The following GPC6 variants were observed in gnomAD, a reference collection of about 807,000 sequenced individuals.
GPC6 encodes the protein glypican-6.
A neutral mutation model predicts 55.2 loss-of-function variants in GPC6; 14 were observed. The ratio of observed to expected loss-of-function variants is 0.25; its 90% CI spans 0.17 to 0.40. GPC6 has a LOEUF of 0.40. Among genes scored for constraint, GPC6 ranks in the 10% least tolerant of loss-of-function variants. The pLI is 1.00. For synonymous variants in GPC6, 278 were observed against 259.6 expected, an observed-to-expected ratio of 1.07 and a Z score of -0.68; for missense variants, 641 against 708.5, an observed-to-expected ratio of 0.90 and a Z score of 1.08.
At chr13:93,699,084 A>G (rs995351617) in intron 2 of GPC6, among the ~76,000 whole-genome samples, 4 of 152,090 alleles carry the variant, frequency 2.6e-5, no homozygotes, top group African/African-American at 7.2e-5. Flanking sequence ...AGGAGCTTGA[A>G]AAAGTAAAGA....
chr13:93,790,191 AG>A (rs1227486252), intron 2 of GPC6, among the ~76,000 whole-genome samples: 2 of 152,176 alleles, frequency 1.3e-5, no homozygotes, highest in African/African-American at 4.8e-5. Flanking sequence ...CCCAGTTAGA[AG>A]TCAAAGCTTG....
At position 93,284,644 on chromosome 13, in the gene GPC6, T is replaced by A. The variant is rs192348181; in HGVS notation, c.160+57028T>A. On this transcript the variant is annotated intron_variant, in intron 1 of 8. Coordinates refer to ENST00000377047, the MANE Select transcript of GPC6 (RefSeq NM_005708.5). ...ACCTCAGACATGCCCAAGAATCATA[T>A]AGTAAATATGTACATCTCAAAACTG... is the stretch of plus-strand genomic sequence containing the variant. 1.5e-4 allele frequency among the ~76,000 whole-genome samples: 23 copies of A among 152,300 alleles called. No individual in the cohort carries two copies. In the East Asian group the frequency reaches 1.9e-3, roughly 13 times the overall value.
the GPC6 span, among the ~76,000 whole-genome samples, chr13:93,217,223 T>C: frequency 2.0e-5 from 3 of 152,244 alleles, no homozygotes; most frequent in Non-Finnish European, 2.9e-5. Flanking sequence ...AAAATCATTA[T>C]GAACATAATT....
At chr13:94,031,562 C>G (rs542547948) in intron 4 of GPC6, among the ~76,000 whole-genome samples, 9 of 149,674 alleles carry the variant, frequency 6.0e-5, no homozygotes, top group African/African-American at 2.2e-4. Context: ...AGGAGAAAAC[C>G]CTGTTTTAAG....
At chr13:94,144,027 G>A (rs541860676) in intron 4 of GPC6, among the ~76,000 whole-genome samples, 1 of 152,188 alleles carries the variant, frequency 6.6e-6, no homozygotes, top group African/African-American at 2.4e-5. Context: ...GTTGTTAAAC[G>A]TTTGATTTTG....
rs56074677 is a variant in GPC6 at position 94,339,751 on chromosome 13, CTTTTTTT to C, written c.1152+33651_1152+33657del. Among the ~76,000 whole-genome samples the C allele has an allele frequency of 5.3e-3, 340 of 63,782 alleles. 5 individuals carry two copies. The East Asian group carries it at 0.087, about 16-fold the overall frequency. The allele number at this position is 63,782 out of a possible 152,430, so 41.8% of individuals were successfully genotyped here. A position where few individuals can be genotyped will look rare whatever the true frequency, so the allele number is the denominator to read the frequency against. On this transcript the variant is annotated intron_variant, in intron 6 of 8. Transcript: ENST00000377047. The stretch of plus-strand genomic sequence containing the variant: ...TTAAGTCTGCAACCTGCATACTTTC[CTTTTTTT>C]TTTTTTTTTTTTTTTTTTTTTTGAG...
intron 8 of GPC6, among the ~76,000 whole-genome samples, chr13:94,402,324 C>T (rs1418340399): frequency 6.6e-6 from 1 of 152,212 alleles, no homozygotes; most frequent in East Asian, 1.9e-4. Flanking sequence ...ATTTCTTAAA[C>T]TTAAGTACTG....
intron 6 of GPC6, among the ~76,000 whole-genome samples, chr13:94,332,986 G>C (rs1197513128): frequency 1.3e-5 from 2 of 152,196 alleles, no homozygotes; most frequent in Non-Finnish European, 2.9e-5. Flanking sequence ...TACATGACAG[G>C]ATTTTCCCAG....
At chr13:94,025,774 A>G (rs1415743) in intron 3 of GPC6, among the ~76,000 whole-genome samples, 20,086 of 152,218 alleles carry the variant, frequency 0.13, 1,616 homozygotes, top group East Asian at 0.33. Flanking sequence ...GAATACCTTT[A>G]TAAAGAAAGG....
At chr13:94,390,696 G>A (rs934551598) in intron 7 of GPC6, among the ~76,000 whole-genome samples, 1 of 152,080 alleles carries the variant, frequency 6.6e-6, no homozygotes, top group African/African-American at 2.4e-5. Flanking sequence ...AATTTGACAT[G>A]AGATTTGAAC....
At chr13:94,380,230 A>G (rs1880099946) in intron 6 of GPC6, among the ~76,000 whole-genome samples, 1 of 152,216 alleles carries the variant, frequency 6.6e-6, no homozygotes, top group Non-Finnish European at 1.5e-5. Flanking sequence ...TAAACCTGAC[A>G]GTATTTCAGT....
rs564266585 is a variant in GPC6, at chr13:94,389,607, A to G, written c.1289+7057A>G. On this transcript the variant is annotated intron_variant, in intron 7 of 8. Coordinates refer to ENST00000377047, the MANE Select transcript of GPC6 (RefSeq NM_005708.5). ...CTTCTTGTAGCATTGTTTTCTCTTC[A>G]CGCAGACCCTTTTTCCAAACTCAGA... 1.6e-4 allele frequency among the ~76,000 whole-genome samples: 25 copies of G among 152,262 alleles called. 1 individual carries two copies. The East Asian group carries it at 4.8e-3, about 29-fold the overall frequency.
intron 1 of GPC6, among the ~76,000 whole-genome samples, chr13:93,228,872 A>G (rs1248570954): frequency 1.3e-5 from 2 of 151,948 alleles, no homozygotes; most frequent in Non-Finnish European, 2.9e-5. Context: ...AGGAATTACT[A>G]TTTTCTTATG....
At position 93,962,271 on chromosome 13, in the gene GPC6, G is replaced by C. The variant is rs186675148; in HGVS notation, c.712-65458G>C. ...CATATTTCATCTTGAATAAGTAATG[G>C]CATCTTTTTAACCCTTAAGCATTTG... is the stretch of plus-strand genomic sequence containing the variant. On this transcript the variant is annotated intron_variant, in intron 3 of 8. Coordinates refer to ENST00000377047, the MANE Select transcript of GPC6 (RefSeq NM_005708.5). Among the ~76,000 whole-genome samples, 947 of 151,742 alleles carry C rather than the reference G, an allele frequency of 6.2e-3. 12 individuals are homozygous for C. The highest frequency in any genetic ancestry group is 0.022 in the African/African-American group (904 of 41,342).
At chr13:93,789,232 C>T (rs2138918826) in intron 2 of GPC6, among the ~76,000 whole-genome samples, 1 of 151,982 alleles carries the variant, frequency 6.6e-6, no homozygotes, top group East Asian at 1.9e-4. Flanking sequence ...CCAGTTGGCT[C>T]TAAGAATACA....
At chr13:94,095,413 G>A (rs927007076) in intron 4 of GPC6, among the ~76,000 whole-genome samples, 1 of 152,112 alleles carries the variant, frequency 6.6e-6, no homozygotes, top group African/African-American at 2.4e-5. Flanking sequence ...AAATGTAAAA[G>A]AAGTAAGTTA....
chr13:93,393,983 C>G (rs1306011019), intron 1 of GPC6, among the ~76,000 whole-genome samples: 1 of 152,116 alleles, frequency 6.6e-6, no homozygotes, highest in Non-Finnish European at 1.5e-5. Context: ...AGTTGTCTCT[C>G]TTTATGACAT....
intron 4 of GPC6, 109 bp from the exon 5 acceptor site, chr13:94,286,240 C>T (rs779941084): frequency 3.4e-4 from 376 of 1,105,632 alleles, no homozygotes; most frequent in Non-Finnish European, 4.6e-4. Flanking sequence ...AATTTAAAAA[C>T]GTGAATGCAC....
At chr13:94,313,786 G>C (rs1213972908) in intron 6 of GPC6, among the ~76,000 whole-genome samples, 1 of 152,148 alleles carries the variant, frequency 6.6e-6, no homozygotes, top group African/African-American at 2.4e-5. Flanking sequence ...TTTATCCTCA[G>C]AAACACTTAA....
Sources: gnomAD v4.1 joint callset for allele counts (sites outside exome capture counted in the v4.1 genomes callset) on GRCh38, gnomAD v4.1.1 for gene constraint, MANE v1.5 for transcripts, NCBI Gene and HGNC (gene_info 2026-07-23, HGNC 2026-07-21) for gene names.